DSCAM: variants seen among roughly 807,000 people sequenced by gnomAD.
DSCAM encodes the protein cell adhesion molecule DSCAM.
A neutral mutation model predicts 217.7 loss-of-function variants in DSCAM; 47 were observed. That is an observed-to-expected ratio of 0.22 (90% CI 0.17 to 0.28). The LOEUF is 0.28. Ranked by LOEUF, DSCAM falls within the 10% of genes least tolerant of loss-of-function variation. The pLI, the probability that DSCAM is intolerant of heterozygous loss-of-function variation, is 1.00. For missense variants in DSCAM, 2,080 were observed against 2,618.3 expected, an observed-to-expected ratio of 0.79 and a Z score of 4.49; for synonymous variants, 1,056 against 1,015.3, an observed-to-expected ratio of 1.04 and a Z score of -0.76.
At chr21:40,036,387 C>G (rs1312659331) in intron 32 of DSCAM, among the ~76,000 whole-genome samples, 13 of 147,466 alleles carry the variant, frequency 8.8e-5, no homozygotes, top group Non-Finnish European at 1.9e-4. Context: ...ACTACAAACA[C>G]CTCTACGCAA....
intron 1 of DSCAM, among the ~76,000 whole-genome samples, chr21:40,800,201 C>T (rs2091727429): frequency 6.6e-6 from 1 of 152,226 alleles, no homozygotes; most frequent in South Asian, 2.1e-4. Flanking sequence ...TTGGACTTCT[C>T]AACCTCCATA....
At chr21:40,574,177 A>C (rs1442167532) in intron 3 of DSCAM, among the ~76,000 whole-genome samples, 1 of 152,156 alleles carries the variant, frequency 6.6e-6, no homozygotes, top group African/African-American at 2.4e-5. Context: ...AAACATTATA[A>C]GTTTAAGAAA....
rs559454341 is a variant in DSCAM, at chr21:40,183,246, G to C, written c.2779+3885C>G. Among the ~76,000 whole-genome samples, 7 of 152,310 alleles carry C rather than the reference G, an allele frequency of 4.6e-5. 1 individual carries two copies. In the South Asian group the frequency reaches 1.5e-3, roughly 32 times the overall value. ...CAACAAACTGCAGACGAATCTGCTGGAGGTCCCCAGACAATATGCTCGAAG... is the reference window on the plus strand; with the variant it reads ...CAACAAACTGCAGACGAATCTGCTGCAGGTCCCCAGACAATATGCTCGAAG... On this transcript the variant is annotated intron_variant, in intron 14 of 32. Transcript: ENST00000400454.
Position 40,035,481 on chromosome 21 carries a change from T to C in DSCAM, c.5686+6890A>G, listed in dbSNP as rs1428309178. Among the ~76,000 whole-genome samples the C allele has an allele frequency of 4.2e-3, 552 of 130,646 alleles. 3 individuals are homozygous for C. The highest frequency in any genetic ancestry group is 0.018 in the African/African-American group (526 of 30,040). The allele number at this position is 130,646 out of a possible 152,430, so 85.7% of individuals were successfully genotyped here. A position where few individuals can be genotyped will look rare whatever the true frequency, so the allele number is the denominator to read the frequency against. ...AAGAGCTAACTATCCTAAATATATA[T>C]GCACCCAATACAGGAGCACCCAGAT... On this transcript the variant is annotated intron_variant, in intron 32 of 32. Coordinates refer to ENST00000400454, the MANE Select transcript of DSCAM (RefSeq NM_001389.5).
chr21:40,113,224 G>A (rs968538984), intron 20 of DSCAM, among the ~76,000 whole-genome samples: 15 of 152,096 alleles, frequency 9.9e-5, no homozygotes, highest in African/African-American at 3.1e-4. Flanking sequence ...ATGATCAAGT[G>A]GGCTTCATCC....
chr21:40,185,052 G>A (rs944052642), intron 14 of DSCAM, among the ~76,000 whole-genome samples: 2 of 152,194 alleles, frequency 1.3e-5, no homozygotes, highest in African/African-American at 4.8e-5. Flanking sequence ...TGAGCTGGGT[G>A]AAAATAGACC....
At chr21:40,353,286 C>G (rs1039325922) in intron 5 of DSCAM, among the ~76,000 whole-genome samples, 179 bp downstream of exon 5, 1 of 152,122 alleles carries the variant, frequency 6.6e-6, no homozygotes, top group Non-Finnish European at 1.5e-5. Flanking sequence ...AGTTGTGTAA[C>G]CTTGGGGAAT....
intron 1 of DSCAM, among the ~76,000 whole-genome samples, chr21:40,839,157 C>T (rs1189779744): frequency 6.6e-6 from 1 of 152,130 alleles, no homozygotes; most frequent in Admixed American, 6.5e-5. Flanking sequence ...TTCTTTTTCC[C>T]TTGTCCAATA....
chr21:40,685,927 T>TGG lies in DSCAM; in HGVS notation c.508+6882_508+6883insCC, dbSNP rs201817919. On this transcript the variant is annotated intron_variant, in intron 3 of 32. Transcript: ENST00000400454. ...TCACTGCATATCCATGGGAGGAAACTGAGGCAAACAAAAACAAAAACAAAA... is the reference window on the plus strand; with the variant it reads ...TCACTGCATATCCATGGGAGGAAACTGGGAGGCAAACAAAAACAAAAACAAAA... Among the ~76,000 whole-genome samples the TGG allele has an allele frequency of 9.5e-4, 144 of 152,054 alleles. 1 individual carries two copies. The highest frequency in any genetic ancestry group is 1.7e-3 in the Non-Finnish European group (117 of 68,000).
intron 1 of DSCAM, among the ~76,000 whole-genome samples, chr21:40,807,423 G>A (rs979309871): frequency 6.6e-6 from 1 of 152,050 alleles, no homozygotes; most frequent in African/African-American, 2.4e-5. Context: ...CAGCCAAATT[G>A]CAGGTTCATG....
intron 1 of DSCAM, among the ~76,000 whole-genome samples, chr21:40,713,982 G>A (rs2090812091): frequency 1.3e-5 from 2 of 152,174 alleles, no homozygotes; most frequent in South Asian, 2.1e-4. Flanking sequence ...GTGGTCCCAG[G>A]CCTGGCTTAA....
chr21:40,348,998 G>A (rs768141480), intron 5 of DSCAM, among the ~76,000 whole-genome samples: 2 of 151,440 alleles, frequency 1.3e-5, no homozygotes, highest in African/African-American at 4.9e-5. Flanking sequence ...TTAGCCGGGC[G>A]TGGTGGCGGG....
intron 3 of DSCAM, among the ~76,000 whole-genome samples, chr21:40,415,188 AG>A (rs1647223885): frequency 6.6e-6 from 1 of 152,224 alleles, no homozygotes; most frequent in Non-Finnish European, 1.5e-5. Flanking sequence ...TTTCTAACAA[AG>A]CTCTGTATTT....
At position 40,235,275 on chromosome 21, in the gene DSCAM, C is replaced by T. The variant is rs576068637; in HGVS notation, c.2356+40822G>A. On this transcript the variant is annotated intron_variant, in intron 11 of 32. Coordinates refer to ENST00000400454, the MANE Select transcript of DSCAM (RefSeq NM_001389.5). The stretch of plus-strand genomic sequence containing the variant: ...AGACAGTGGTTTCATATCAGTTAAC[C>T]GTATGGTCCAGAGTAACCATCTGTA... Among the ~76,000 whole-genome samples the T allele has an allele frequency of 2.0e-4, 31 of 152,206 alleles. No individual in the cohort carries two copies. In the South Asian group the frequency reaches 4.2e-3, roughly 20 times the overall value.
In DSCAM at chr21:40,827,431, T is replaced by G. The variant is rs1262631430; in HGVS notation, c.43+19188A>C. On this transcript the variant is annotated intron_variant, in intron 1 of 32. Transcript: ENST00000400454. ...CCATGGTGAACTGTGATTGTGCCAC[T>G]GCATGCCAGCCTAGGCCACAGAGTC... 3.0e-5 allele frequency among the ~76,000 whole-genome samples: 4 copies of G among 134,724 alleles called. No individual in the cohort carries two copies. In the Admixed American group the frequency reaches 3.4e-4, roughly 12 times the overall value. 88.4% of individuals were successfully genotyped at this position (134,724 alleles called of 152,430 possible). A position where few individuals can be genotyped will look rare whatever the true frequency, so the allele number is the denominator to read the frequency against.
At chr21:40,694,736 G>A (rs1221704618) in intron 2 of DSCAM, among the ~76,000 whole-genome samples, 4 of 151,852 alleles carry the variant, frequency 2.6e-5, no homozygotes, top group Admixed American at 6.6e-5. Context: ...AATTCAGGGC[G>A]CCCAAGAGAC....
At position 40,766,687 on chromosome 21, in the gene DSCAM, AAC is replaced by A. The variant is rs1183682729; in HGVS notation, c.44-57918_44-57917del. On this transcript the variant is annotated intron_variant, in intron 1 of 32. Coordinates refer to ENST00000400454, the MANE Select transcript of DSCAM (RefSeq NM_001389.5). ...ACAATTCCAAAAAAAAAAAAAAAAA[AAC>A]AACTTTTTTTTTTTTTTTGAGGCAG... is the stretch of plus-strand genomic sequence containing the variant. 3.5e-4 allele frequency among the ~76,000 whole-genome samples: 40 copies of A among 115,650 alleles called. 1 individual carries two copies. The highest frequency in any genetic ancestry group is 8.5e-4 in the African/African-American group (24 of 28,346). The allele number at this position is 115,650 out of a possible 152,430, so 75.9% of individuals were successfully genotyped here.
intron 1 of DSCAM, among the ~76,000 whole-genome samples, chr21:40,738,648 A>C (rs925179188): frequency 6.6e-6 from 1 of 152,188 alleles, no homozygotes; most frequent in Non-Finnish European, 1.5e-5. Context: ...GATTGTTCAA[A>C]GACAGATTGC....
intron 32 of DSCAM, among the ~76,000 whole-genome samples, chr21:40,037,858 T>G (rs990677838): frequency 2.1e-5 from 3 of 142,796 alleles, no homozygotes; most frequent in South Asian, 2.2e-4. Flanking sequence ...TCAGAAATAA[T>G]GCTGCATATC....
Sources: allele counts gnomAD v4.1 joint callset (sites outside exome capture counted in the v4.1 genomes callset), GRCh38; gene constraint gnomAD v4.1.1; transcripts MANE v1.5; gene names NCBI Gene and HGNC (gene_info 2026-07-23, HGNC 2026-07-21).